Variants in PDE11A observed in about 807,000 individuals in gnomAD.
The protein encoded by PDE11A is phosphodiesterase 11A.
PDE11A carries 100 observed loss-of-function variants against 100.5 expected under a neutral mutation model. That is an observed-to-expected ratio of 1.00 (90% CI 0.85 to 1.18). PDE11A has a LOEUF of 1.18. PDE11A is among the 50% of genes most tolerant of loss of function. The probability of loss-of-function intolerance (pLI) is 0.00; values close to 1 mark genes in which losing one functional copy is unlikely to be tolerated. For synonymous variants in PDE11A, 381 were observed against 420.8 expected, an observed-to-expected ratio of 0.91 and a Z score of 1.16; for missense variants, 1,141 against 1,152.6, an observed-to-expected ratio of 0.99 and a Z score of 0.15.
chr2:177,868,409 T>G (rs1293789324), intron 5 of PDE11A, among the ~76,000 whole-genome samples: 1 of 152,214 alleles, frequency 6.6e-6, no homozygotes, highest in Non-Finnish European at 1.5e-5. Flanking sequence ...GCATCGATTG[T>G]AAGATGGACT....
At position 177,869,076 on chromosome 2, in the gene PDE11A, C is replaced by T. The variant is rs16865872; in HGVS notation, c.1367+6783G>A. Among the ~76,000 whole-genome samples the T allele has an allele frequency of 9.2e-3, 1,399 of 152,360 alleles. 21 individuals carry two copies. The highest frequency in any genetic ancestry group is 0.046 in the East Asian group (238 of 5,194). ...GTGCATGCATGCATGAGTGCACACA[C>T]AAAAGATAACAGCATTGAGTTCAAT... On this transcript the variant is annotated intron_variant, in intron 5 of 19. Coordinates refer to ENST00000286063, the MANE Select transcript of PDE11A (RefSeq NM_016953.4).
chr2:177,727,596 G>A, intron 12 of PDE11A, 62 bp downstream of exon 12: 1 of 951,890 alleles, frequency 1.1e-6, no homozygotes, highest in Non-Finnish European at 1.7e-6. Flanking sequence ...AAATGTAAAG[G>A]AGAAGGCCTG....
chr2:177,953,632 G>T (rs1007623468), intron 2 of PDE11A, among the ~76,000 whole-genome samples: 1 of 152,040 alleles, frequency 6.6e-6, no homozygotes, highest in Non-Finnish European at 1.5e-5. Context: ...ATCTTCATCA[G>T]ATTTAAATTA....
At chr2:177,756,804 C>T (rs990318641) in intron 10 of PDE11A, among the ~76,000 whole-genome samples, 3 of 152,212 alleles carry the variant, frequency 2.0e-5, no homozygotes, top group African/African-American at 7.2e-5. Context: ...CATACCTGCT[C>T]AAGCAATGGG....
At chr2:177,939,476 G>A (rs1559015566) in intron 2 of PDE11A, among the ~76,000 whole-genome samples, 2 of 123,730 alleles carry the variant, frequency 1.6e-5, no homozygotes, top group African/African-American at 3.0e-5. Flanking sequence ...GAGGAAGGAA[G>A]AAAGAAGGGA....
In PDE11A at chr2:177,723,909, G is replaced by A. The variant is rs549373110; in HGVS notation, c.2043+3749C>T. Among the ~76,000 whole-genome samples the A allele has an allele frequency of 8.2e-4, 124 of 152,106 alleles. 2 individuals are homozygous for A. The South Asian group carries it at 0.023, about 28-fold the overall frequency. On this transcript the variant is annotated intron_variant, in intron 12 of 19. Transcript: ENST00000286063. ...TACAAACAAAAGCAGAGTCATTTCC[G>A]ATATCTAGTCTACATCGTGAATATA...
At chr2:177,651,528 C>T (rs766043281) in intron 19 of PDE11A, among the ~76,000 whole-genome samples, 5 of 152,074 alleles carry the variant, frequency 3.3e-5, no homozygotes, top group Admixed American at 6.5e-5. Flanking sequence ...CTGAGGATGG[C>T]GAGTCCTCAG....
intron 5 of PDE11A, among the ~76,000 whole-genome samples, chr2:177,861,318 T>G (rs1026235153): frequency 5.9e-5 from 9 of 151,708 alleles, no homozygotes; most frequent in Admixed American, 2.0e-4. Context: ...AAGAAAATAA[T>G]TTCATTTACA....
At chr2:177,821,243 T>C (rs1170579527) in intron 6 of PDE11A, among the ~76,000 whole-genome samples, 4 of 151,950 alleles carry the variant, frequency 2.6e-5, no homozygotes, top group African/African-American at 9.7e-5. Context: ...TTTCCAGATA[T>C]CTTCTATTCA....
chr2:177,915,911 G>A (rs547804517), intron 2 of PDE11A, among the ~76,000 whole-genome samples: 15 of 152,156 alleles, frequency 9.9e-5, no homozygotes, highest in South Asian at 4.2e-4. Context: ...CATCTGCTTC[G>A]CTTCATGTCC....
At chr2:177,676,705 C>T (rs545008758) in intron 16 of PDE11A, among the ~76,000 whole-genome samples, 1 of 152,354 alleles carries the variant, frequency 6.6e-6, no homozygotes, top group Admixed American at 6.5e-5. Flanking sequence ...AAGGGAGACA[C>T]ATCAGTCTAT....
intron 10 of PDE11A, among the ~76,000 whole-genome samples, chr2:177,738,410 T>TG (rs908822980): frequency 2.0e-5 from 3 of 152,224 alleles, no homozygotes; most frequent in African/African-American, 7.2e-5. Flanking sequence ...GAAGTGCTCT[T>TG]GGGGGAGACA....
rs2085159918 is a variant in PDE11A at position 177,928,388 on chromosome 2, T to C, written c.1072-23201A>G. ...TGGTGCACACCTGTAGTCTCAGCTA[T>C]TCAGGAGTCTGAAGCAGGTGGACCA... On this transcript the variant is annotated intron_variant, in intron 2 of 19. Coordinates refer to ENST00000286063, the MANE Select transcript of PDE11A (RefSeq NM_016953.4). Among the ~76,000 whole-genome samples, 6 of 152,282 alleles carry C rather than the reference T, an allele frequency of 3.9e-5. No individual in the cohort carries two copies. The South Asian group carries it at 1.0e-3, about 26-fold the overall frequency.
chr2:177,736,217 G>A (rs1187125749), intron 10 of PDE11A, among the ~76,000 whole-genome samples: 2 of 152,122 alleles, frequency 1.3e-5, no homozygotes, highest in African/African-American at 2.4e-5. Context: ...GGGGAGATAA[G>A]TAACAGAGGA....
chr2:178,022,065 C>G (rs1437733170), intron 1 of PDE11A, among the ~76,000 whole-genome samples: 2 of 152,042 alleles, frequency 1.3e-5, no homozygotes, highest in Admixed American at 1.3e-4. Flanking sequence ...ATGACTGAGT[C>G]TTCATTTTAG....
At chr2:177,971,557 AC>A (rs1297922807) in intron 2 of PDE11A, among the ~76,000 whole-genome samples, 1 of 152,246 alleles carries the variant, frequency 6.6e-6, no homozygotes, top group Non-Finnish European at 1.5e-5. Flanking sequence ...GAAATAACTG[AC>A]TAAAACATAG....
chr2:177,635,308 G>T (rs773965331), intron 19 of PDE11A, among the ~76,000 whole-genome samples: 10 of 152,236 alleles, frequency 6.6e-5, no homozygotes, highest in Admixed American at 2.6e-4. Flanking sequence ...AGTTGATGCT[G>T]ACCTAAAAAC....
At chr2:177,742,582 C>T (rs1481885940) in intron 10 of PDE11A, among the ~76,000 whole-genome samples, 1 of 152,190 alleles carries the variant, frequency 6.6e-6, no homozygotes, top group Non-Finnish European at 1.5e-5. Context: ...TTGCCAGGTG[C>T]TATGCAGGTA....
chr2:177,816,735 A>C, intron 9 of PDE11A, 94 bp downstream of exon 9: 1 of 784,682 alleles, frequency 1.3e-6, no homozygotes, highest in Non-Finnish European at 2.3e-6. Flanking sequence ...GAATAATTAA[A>C]ATTTGAGAAA....
Sources: allele counts gnomAD v4.1 joint callset (sites outside exome capture counted in the v4.1 genomes callset), GRCh38; gene constraint gnomAD v4.1.1; transcripts MANE v1.5; gene names NCBI Gene and HGNC (gene_info 2026-07-23, HGNC 2026-07-21).